NEK5: variants seen among roughly 807,000 people sequenced by gnomAD.
The protein encoded by NEK5 is NIMA related kinase 5, also known as serine/threonine-protein kinase Nek5.
Under a neutral mutation model 109.2 loss-of-function variants are expected in NEK5, and 88 were observed. That is an observed-to-expected ratio of 0.81 (90% confidence interval 0.68 to 0.96). NEK5 has a LOEUF of 0.96. Ranked by LOEUF, NEK5 falls within the 40% of genes least tolerant of loss-of-function variation. The probability of loss-of-function intolerance (pLI) is 0.00; values close to 1 mark genes in which losing one functional copy is unlikely to be tolerated. For synonymous variants in NEK5, 283 were observed against 299.9 expected, an observed-to-expected ratio of 0.94 and a Z score of 0.58; for missense variants, 834 against 920.7, an observed-to-expected ratio of 0.91 and a Z score of 1.22.
At chr13:52,108,229 A>T in intron 8 of NEK5, 89 bp downstream of exon 8, 1 of 762,306 alleles carries the variant, frequency 1.3e-6, no homozygotes, top group Non-Finnish European at 2.2e-6. Flanking sequence ...GAAAGAAAGA[A>T]GAGATTTGAA....
At chr13:52,086,830 C>T (rs1955153306) in intron 15 of NEK5, among the ~76,000 whole-genome samples, 2 of 152,094 alleles carry the variant, frequency 1.3e-5, no homozygotes, top group Non-Finnish European at 2.9e-5. Context: ...AAGACAGGGA[C>T]ACACAGGAAG....
intron 21 of NEK5, among the ~76,000 whole-genome samples, chr13:52,062,612 G>A (rs1347849582): frequency 6.6e-6 from 1 of 151,820 alleles, no homozygotes; most frequent in Non-Finnish European, 1.5e-5. Context: ...GTAGAGACAG[G>A]GTTTCACCAT....
chr13:52,087,886 A>G (rs552336717), intron 14 of NEK5, among the ~76,000 whole-genome samples: 99 of 150,032 alleles, frequency 6.6e-4, no homozygotes, highest in African/African-American at 2.4e-3. Flanking sequence ...TGGCCTCCCA[A>G]AGTGCTGGGA....
chr13:52,069,963 C>T (rs1193110545), intron 20 of NEK5, among the ~76,000 whole-genome samples: 2 of 152,200 alleles, frequency 1.3e-5, no homozygotes, highest in African/African-American at 4.8e-5. Context: ...CATAACACTT[C>T]TGTGATATTG....
intron 23 of NEK5, among the ~76,000 whole-genome samples, chr13:52,048,058 C>A (rs1566728108): frequency 2.0e-5 from 3 of 152,040 alleles, no homozygotes; most frequent in Non-Finnish European, 4.4e-5. Flanking sequence ...GGAATAAATT[C>A]TAGTGCTCTA....
Position 52,104,616 on chromosome 13 carries a change from C to G in NEK5, c.555-64G>C, listed in dbSNP as rs575753832. On this transcript the variant is annotated intron_variant, in intron 8 of 23. Transcript: ENST00000684899. Reference sequence around the variant, plus strand: ...ATAATTCTTAATAAAAGCTTTTATCCTTACAGTGCCTTAAATTTGTGTCGC... The same window carrying G: ...ATAATTCTTAATAAAAGCTTTTATCGTTACAGTGCCTTAAATTTGTGTCGC... The G allele has an allele frequency of 7.5e-6, 8 of 1,069,324 alleles. No individual in the cohort carries two copies. In the East Asian group the frequency reaches 1.7e-4, roughly 22 times the overall value. The allele number at this position is 1,069,324 out of a possible 1,614,324, so 66.2% of individuals were successfully genotyped here.
chr13:52,104,375 T>C, intron 9 of NEK5, 123 bp downstream of exon 9: 1 of 753,142 alleles, frequency 1.3e-6, no homozygotes, highest in East Asian at 2.5e-5. Flanking sequence ...TTATTTTAAG[T>C]AGCTTATCCA....
At chr13:52,068,476 C>CAA (rs1490394589) in intron 20 of NEK5, among the ~76,000 whole-genome samples, 1 of 151,644 alleles carries the variant, frequency 6.6e-6, no homozygotes, top group African/African-American at 2.4e-5. Context: ...TACACACACA[C>CAA]ACACACACAC....
In NEK5 at chr13:52,035,341, G is replaced by C. The variant is rs943617709; in HGVS notation, c.*1607C>G. On this transcript the variant is annotated 3_prime_UTR_variant, in exon 24 of 24. Coordinates refer to ENST00000684899, the MANE Select transcript of NEK5 (RefSeq NM_001365552.1). ...TTATATGAAATGTAAATAGTAAACA[G>C]ACCTTAGAAATAATCTGACCCACCT... 3.0e-4 allele frequency: 46 copies of C among 152,120 alleles called. 1 individual carries two copies. Among genetic ancestry groups the C allele is most frequent in the Non-Finnish European group, 4.4e-5 (3 of 68,026 alleles). The allele number at this position is 152,120 out of a possible 1,614,324, so 9.4% of individuals were successfully genotyped here. A position where few individuals can be genotyped will look rare whatever the true frequency, so the allele number is the denominator to read the frequency against.
At chr13:52,078,147 C>G (rs1954902143) in intron 17 of NEK5, among the ~76,000 whole-genome samples, 1 of 151,146 alleles carries the variant, frequency 6.6e-6, no homozygotes, top group Non-Finnish European at 1.5e-5. Flanking sequence ...CTGGAGACAA[C>G]CCAAATATCC....
chr13:52,053,029 A>G (rs1046932989), intron 22 of NEK5, among the ~76,000 whole-genome samples: 1 of 152,164 alleles, frequency 6.6e-6, no homozygotes, highest in Admixed American at 6.5e-5. Flanking sequence ...GGCTGGGTGC[A>G]GTGGCTCACA....
At chr13:52,079,832 C>T (rs1171028148) in intron 17 of NEK5, among the ~76,000 whole-genome samples, 38 of 151,984 alleles carry the variant, frequency 2.5e-4, no homozygotes, top group African/African-American at 7.0e-4. Flanking sequence ...TCTGCCCCGC[C>T]GCCATCCCAT....
At chr13:52,123,389 T>C (rs1289673651) in intron 3 of NEK5, among the ~76,000 whole-genome samples, 2 of 152,232 alleles carry the variant, frequency 1.3e-5, no homozygotes, top group Admixed American at 1.3e-4. Flanking sequence ...CAATTTTTGA[T>C]TATACTAAAG....
intron 8 of NEK5, among the ~76,000 whole-genome samples, chr13:52,107,998 T>C (rs973715774): frequency 1.3e-5 from 2 of 152,308 alleles, no homozygotes; most frequent in African/African-American, 2.4e-5. Context: ...CATAGACATA[T>C]AGCTTAGAAG....
intron 12 of NEK5, among the ~76,000 whole-genome samples, chr13:52,096,146 A>G (rs887810168): frequency 1.3e-5 from 2 of 152,196 alleles, no homozygotes; most frequent in African/African-American, 4.8e-5. Flanking sequence ...CAGAACTGTG[A>G]GCCAATTAAA....
intron 4 of NEK5, among the ~76,000 whole-genome samples, 168 bp from the exon 5 acceptor site, chr13:52,112,533 C>G (rs553554958): frequency 6.6e-6 from 1 of 152,296 alleles, no homozygotes; most frequent in South Asian, 2.1e-4. Flanking sequence ...CTCATTACCT[C>G]ATCTGTAAAA....
intron 11 of NEK5, among the ~76,000 whole-genome samples, 158 bp from the exon 12 acceptor site, chr13:52,100,034 A>C (rs1200279510): frequency 3.3e-5 from 5 of 152,240 alleles, no homozygotes; most frequent in Non-Finnish European, 7.3e-5. Context: ...CTGATGAAAA[A>C]TTAATATGCA....
chr13:52,064,337 C>G (rs1215624748), intron 21 of NEK5, among the ~76,000 whole-genome samples: 1 of 135,640 alleles, frequency 7.4e-6, no homozygotes, highest in African/African-American at 2.8e-5. Flanking sequence ...CCAGCCGCCC[C>G]ATCCAGGAGG....
At position 52,110,321 on chromosome 13, in the gene NEK5, T is replaced by A. The variant is rs1399450102; in HGVS notation, c.467+19A>T. 1.3e-6 allele frequency: 2 copies of A among 1,547,082 alleles called. No homozygotes were observed. Among genetic ancestry groups the A allele is most frequent in the Admixed American group, 3.4e-5 (2 of 58,912 alleles). The stretch of plus-strand genomic sequence containing the variant: ...GGGCTATTTTGACTAGAAAGAAAAA[T>A]TATTTTCAAAGTACTTACTTATTCA... On this transcript the variant is annotated intron_variant, in intron 7 of 23. Coordinates refer to ENST00000684899, the MANE Select transcript of NEK5 (RefSeq NM_001365552.1).
Sources: allele counts gnomAD v4.1 joint callset (sites outside exome capture counted in the v4.1 genomes callset), GRCh38; gene constraint gnomAD v4.1.1; transcripts MANE v1.5; gene names NCBI Gene and HGNC (gene_info 2026-07-23, HGNC 2026-07-21).